CKAP5: variants seen among roughly 807,000 people sequenced by gnomAD.
CKAP5 encodes cytoskeleton-associated protein 5.
Under a neutral mutation model 232.8 loss-of-function variants are expected in CKAP5, and 27 were observed. The observed-to-expected ratio is 0.12, with a 90% confidence interval of 0.09 to 0.16. CKAP5 has a LOEUF of 0.16. CKAP5 is among the 10% of genes least tolerant of loss of function. The pLI, the probability that CKAP5 is intolerant of heterozygous loss-of-function variation, is 1.00. For missense variants in CKAP5, 1,838 were observed against 2,424.7 expected (o/e 0.76, Z 5.08); for synonymous variants, 785 against 841.1 (o/e 0.93, Z 1.16).
rs537326067 is a variant in CKAP5, at chr11:46,759,113, A to G, written c.4569-70T>C. The stretch of plus-strand genomic sequence containing the variant: ...CATCCCAGTCAGTTGGAGTTATACA[A>G]TTCTCCACTAGGTCCAGGTCTTAGT... On this transcript the variant is annotated intron_variant, in intron 34 of 43. Coordinates refer to ENST00000529230, the MANE Select transcript of CKAP5 (RefSeq NM_001008938.4). 112 of 1,568,130 alleles carry G rather than the reference A, an allele frequency of 7.1e-5. 2 individuals are homozygous for G. In the South Asian group the frequency reaches 1.0e-3, roughly 15 times the overall value.
At chr11:46,788,621 T>C (rs2065419628) in intron 16 of CKAP5, 60 bp downstream of exon 16, 8 of 986,442 alleles carry the variant, frequency 8.1e-6, no homozygotes, top group Admixed American at 5.9e-5. Context: ...TATTACTCCA[T>C]AGGATGATGT....
At chr11:46,837,980 A>C (rs1463111207) in intron 1 of CKAP5, among the ~76,000 whole-genome samples, 7 of 152,196 alleles carry the variant, frequency 4.6e-5, no homozygotes, top group Admixed American at 2.0e-4. Flanking sequence ...GGGGAAAAAA[A>C]AGTAAATTCA....
At chr11:46,786,634 A>C (rs2065396908) in intron 16 of CKAP5, among the ~76,000 whole-genome samples, 1 of 152,238 alleles carries the variant, frequency 6.6e-6, no homozygotes, top group Non-Finnish European at 1.5e-5. Context: ...CTAGGGAATA[A>C]GATATCCACA....
At chr11:46,812,369 A>G (rs533010075) in intron 4 of CKAP5, among the ~76,000 whole-genome samples, 23 of 152,102 alleles carry the variant, frequency 1.5e-4, no homozygotes, top group Non-Finnish European at 3.2e-4. Context: ...AGTGTGTTTA[A>G]CCTTACATAT....
rs530359218 is a variant in CKAP5, at chr11:46,743,629, C to T, written c.*394G>A. On this transcript the variant is annotated 3_prime_UTR_variant, in exon 44 of 44. Coordinates refer to ENST00000529230, the MANE Select transcript of CKAP5 (RefSeq NM_001008938.4). The stretch of plus-strand genomic sequence containing the variant: ...TACAGAATACAGTGACCCTTCAGGG[C>T]GACAGAGAAGAGCTCACAAACTGAA... 4.0e-4 allele frequency: 81 copies of T among 204,712 alleles called. No homozygotes were observed. The highest frequency in any genetic ancestry group is 1.5e-3 in the African/African-American group (66 of 43,722). The allele number at this position is 204,712 out of a possible 1,614,324, so 12.7% of individuals were successfully genotyped here. A position where few individuals can be genotyped will look rare whatever the true frequency, so the allele number is the denominator to read the frequency against.
Position 46,790,564 on chromosome 11 carries a change from T to G in CKAP5, c.1670A>C (p.Lys557Thr). The G allele has an allele frequency of 6.2e-7, 1 of 1,611,868 alleles. No individual in the cohort carries two copies. Among genetic ancestry groups the G allele is most frequent in the Non-Finnish European group, 8.5e-7 (1 of 1,178,304 alleles). Reference protein sequence around the residue: ...PAAKAGGPPKKGKPAAPGGAG... With the variant: ...PAAKAGGPPKTGKPAAPGGAG... ...GCCTCCTGGTGCAGCTGGTTTCCCC[T>G]TTTTTGGTGGCCCACCAGCCTAAAA... The change falls in exon 14 of 44, where the codon AAG (lysine) becomes ACG (threonine). Residue 557 changes from lysine (K) to threonine (T), a missense_variant. This residue lies in a region of CKAP5 where 767 missense variants were observed against 954.6 expected (regional missense o/e 0.80). Coordinates refer to ENST00000529230, the MANE Select transcript of CKAP5 (RefSeq NM_001008938.4).
chr11:46,797,595 G>A lies in CKAP5; in HGVS notation c.1338+210C>T, dbSNP rs1160054529. Among the ~76,000 whole-genome samples, 7 of 152,116 alleles carry A rather than the reference G, an allele frequency of 4.6e-5. 1 individual carries two copies. Among genetic ancestry groups the A allele is most frequent in the African/African-American group, 1.7e-4 (7 of 41,420 alleles). ...CAAGTAAGAAACAACATGTTTAACA[G>A]TTAATGGAATCATAACACTAACTTG... On this transcript the variant is annotated intron_variant, in intron 11 of 43. Coordinates refer to ENST00000529230, the MANE Select transcript of CKAP5 (RefSeq NM_001008938.4).
intron 26 of CKAP5, among the ~76,000 whole-genome samples, chr11:46,769,362 G>C (rs1225340641): frequency 1.3e-5 from 2 of 152,150 alleles, no homozygotes; most frequent in Non-Finnish European, 2.9e-5. Context: ...AATGTAGGAT[G>C]CAACACTTCA....
At chr11:46,793,901 T>C (rs1290958453) in intron 13 of CKAP5, among the ~76,000 whole-genome samples, 5 of 152,012 alleles carry the variant, frequency 3.3e-5, no homozygotes, top group African/African-American at 1.2e-4. Context: ...CACTCCAGCC[T>C]GGGTGACAGT....
chr11:46,843,456 C>T (rs184649577), intron 1 of CKAP5, among the ~76,000 whole-genome samples: 3 of 150,472 alleles, frequency 2.0e-5, no homozygotes, highest in East Asian at 4.0e-4. Flanking sequence ...GAAGGCCAGG[C>T]GTAGTGGTTC....
intron 8 of CKAP5, among the ~76,000 whole-genome samples, chr11:46,802,531 A>AAGAC (rs1179976752): frequency 0.012 from 1,792 of 146,354 alleles, 38 homozygotes; most frequent in African/African-American, 0.045. Flanking sequence ...GTACCAGAGC[A>AAGAC]AGACAGACAG....
Position 46,763,019 on chromosome 11 carries a change from G to C in CKAP5, c.3848C>G (p.Thr1283Ser), listed in dbSNP as rs770821514. 12 of 1,613,838 alleles carry C rather than the reference G, an allele frequency of 7.4e-6. No homozygotes were observed. Among genetic ancestry groups the C allele is most frequent in the Non-Finnish European group, 1.0e-5 (12 of 1,179,774 alleles). ...GATGAAGGAAGATGCTTCATTCTCAGTAAGATGATATTCTTCTTCACTTAG... is the reference window on the plus strand; with the variant it reads ...GATGAAGGAAGATGCTTCATTCTCACTAAGATGATATTCTTCTTCACTTAG... The part of the protein sequence containing the change: ...TLLSEEEYHL[T>S]ENEASSFIPY... Residue 1283 changes from threonine to serine, a missense_variant, in exon 30 of 44, where the codon ACT becomes AGT. Thr to Ser is a moderately conservative substitution (Grantham distance 58, BLOSUM62 1). Transcript: ENST00000529230.
chr11:46,755,862 G>A (rs971999255), intron 35 of CKAP5, among the ~76,000 whole-genome samples: 16 of 152,096 alleles, frequency 1.1e-4, no homozygotes, highest in Admixed American at 1.0e-3. Context: ...CCAGGAGGCG[G>A]AGGATGCAGT....
intron 1 of CKAP5, among the ~76,000 whole-genome samples, chr11:46,821,713 G>C (rs867677874): frequency 3.3e-5 from 5 of 151,026 alleles, no homozygotes; most frequent in Admixed American, 6.6e-5. Context: ...GTGAGCCACC[G>C]CGCCCGGCCA....
At chr11:46,836,836 A>T (rs1486850592) in intron 1 of CKAP5, among the ~76,000 whole-genome samples, 3 of 152,246 alleles carry the variant, frequency 2.0e-5, no homozygotes, top group Non-Finnish European at 4.4e-5. Context: ...TGTTAATCCC[A>T]GCACTTTTGG....
intron 18 of CKAP5, 59 bp from the exon 19 acceptor site, chr11:46,780,544 C>A (rs6485691): frequency 1 from 1,443,499 of 1,450,604 alleles, 718,493 homozygotes; most frequent in East Asian, 1. Context: ...TACTCAATAA[C>A]GTTTTATAAA....
At chr11:46,804,996 G>A (rs1239039025) in intron 8 of CKAP5, among the ~76,000 whole-genome samples, 1 of 151,832 alleles carries the variant, frequency 6.6e-6, no homozygotes, top group Non-Finnish European at 1.5e-5. Context: ...AGCACTTTCA[G>A]AGGCTGAGGC....
intron 1 of CKAP5, among the ~76,000 whole-genome samples, chr11:46,842,277 GA>G (rs1940073020): frequency 6.6e-6 from 1 of 152,172 alleles, no homozygotes; most frequent in East Asian, 1.9e-4. Flanking sequence ...CAATGTGAAG[GA>G]ATTGTTTCAC....
Position 46,805,942 on chromosome 11 carries a change from A to C in CKAP5, c.978+2089T>G, listed in dbSNP as rs558327288. ...ACAATAACGAAACTCCATCTCAAAA[A>C]AGAAAATAAAAAAAATAAAATGTCT... On this transcript the variant is annotated intron_variant, in intron 8 of 43. Transcript: ENST00000529230. Among the ~76,000 whole-genome samples, 3 of 152,376 alleles carry C rather than the reference A, an allele frequency of 2.0e-5. No homozygotes were observed. The South Asian group carries it at 6.2e-4, about 32-fold the overall frequency.
Sources: gnomAD v4.1 joint callset for allele counts (sites outside exome capture counted in the v4.1 genomes callset) on GRCh38, gnomAD v4.1.1 for gene constraint, gnomAD v4.1.1 regional missense constraint, MANE v1.5 for transcripts, NCBI Gene and HGNC (gene_info 2026-07-23, HGNC 2026-07-21) for gene names.